PCDH15: variants seen among roughly 807,000 people sequenced by gnomAD.
PCDH15 encodes protocadherin related 15.
A neutral mutation model predicts 178.5 loss-of-function variants in PCDH15; 129 were observed. That is an observed-to-expected ratio of 0.72 (90% confidence interval 0.63 to 0.84). The LOEUF is 0.84. Ranked by LOEUF, PCDH15 falls within the 40% of genes least tolerant of loss-of-function variation. PCDH15 has a pLI of 0.00. For synonymous variants in PCDH15, 800 were observed against 732.0 expected (o/e 1.09, Z -1.50); for missense variants, 2,230 against 2,099.9 (o/e 1.06, Z -1.21).
chr10:54,183,048 C>T lies in PCDH15; in HGVS notation c.1590+396G>A, dbSNP rs190629593. Among the ~76,000 whole-genome samples the T allele has an allele frequency of 5.3e-4, 81 of 151,828 alleles. 1 individual carries two copies. In the East Asian group the frequency reaches 0.013, roughly 25 times the overall value. On this transcript the variant is annotated intron_variant, in intron 13 of 37. Transcript: ENST00000644397. ...CCAGGCTGGAGTGTGATGGCATGAT[C>T]TCAGCTCACCGCAACCTTGGCCTCC...
At chr10:54,901,813 G>T (rs1954643721) in intron 2 of PCDH15, among the ~76,000 whole-genome samples, 2 of 152,038 alleles carry the variant, frequency 1.3e-5, no homozygotes, top group African/African-American at 4.8e-5. Context: ...AATATTTGTA[G>T]TCATTTATTT....
intron 2 of PCDH15, among the ~76,000 whole-genome samples, chr10:55,372,915 TCAA>T (rs36123990): frequency 0.092 from 14,033 of 152,072 alleles, 710 homozygotes; most frequent in East Asian, 0.18. Context: ...CTAAAGGATA[TCAA>T]CAAGAAAAAA....
rs200007271 is a variant in PCDH15 at position 54,933,340 on chromosome 10, TA to T, written c.-79-35841del. Among the ~76,000 whole-genome samples the T allele has an allele frequency of 2.4e-4, 36 of 151,544 alleles. No homozygotes were observed. In the Middle Eastern group the frequency reaches 0.01, roughly 43 times the overall value. ...TCTGCTGATTGTGACAGTTTTTATGTAAAAAAAAATGTGTTTTATATTGTTT... is the reference window on the plus strand; with the variant it reads ...TCTGCTGATTGTGACAGTTTTTATGTAAAAAAAATGTGTTTTATATTGTTT... On this transcript the variant is annotated intron_variant, in intron 2 of 5. Transcript: ENST00000458638.
intron 25 of PCDH15, among the ~76,000 whole-genome samples, chr10:53,913,145 A>G (rs1222619124): frequency 6.6e-6 from 1 of 152,192 alleles, no homozygotes; most frequent in Non-Finnish European, 1.5e-5. Context: ...CCACACATCT[A>G]CAACCATCTT....
intron 14 of PCDH15, among the ~76,000 whole-genome samples, chr10:54,152,386 G>T (rs2044625983): frequency 6.6e-6 from 1 of 151,586 alleles, no homozygotes; most frequent in African/African-American, 2.4e-5. Flanking sequence ...ACTTATTAAG[G>T]AATATGTTTA....
chr10:54,761,580 G>A (rs752410648), intron 1 of PCDH15, among the ~76,000 whole-genome samples: 10 of 152,204 alleles, frequency 6.6e-5, no homozygotes, highest in South Asian at 2.1e-4. Context: ...CTACTCGGGA[G>A]GCTGAGACAG....
chr10:55,401,058 T>G (rs1838050559), intron 2 of PCDH15, among the ~76,000 whole-genome samples: 1 of 152,124 alleles, frequency 6.6e-6, no homozygotes, highest in South Asian at 2.1e-4. Flanking sequence ...TATTATAGAT[T>G]AAGTAGACAT....
intron 3 of PCDH15, among the ~76,000 whole-genome samples, chr10:54,880,181 A>G (rs1400704384): frequency 6.6e-6 from 1 of 152,112 alleles, no homozygotes; most frequent in Non-Finnish European, 1.5e-5. Context: ...TATTTCCCTG[A>G]ACTACGATTT....
chr10:53,933,187 A>G (rs2085237380), intron 25 of PCDH15, among the ~76,000 whole-genome samples: 1 of 151,552 alleles, frequency 6.6e-6, no homozygotes, highest in African/African-American at 2.4e-5. Flanking sequence ...TTTTATTATT[A>G]TTATACTTTA....
intron 9 of PCDH15, among the ~76,000 whole-genome samples, chr10:54,223,165 G>C (rs2053040204): frequency 6.6e-6 from 1 of 151,842 alleles, no homozygotes; most frequent in African/African-American, 2.4e-5. Flanking sequence ...TAGAGAATCA[G>C]CCAGGCATGG....
At chr10:54,806,252 G>A (rs909532049), upstream of PCDH15, among the ~76,000 whole-genome samples, 1 of 152,050 alleles carries the variant, frequency 6.6e-6, no homozygotes, top group Non-Finnish European at 1.5e-5. Flanking sequence ...TTATATGCTG[G>A]ATGTATTAGT....
chr10:55,369,511 C>T (rs1049364194), intron 2 of PCDH15, among the ~76,000 whole-genome samples: 1 of 152,002 alleles, frequency 6.6e-6, no homozygotes, highest in African/African-American at 2.4e-5. Context: ...AACAGATTAA[C>T]TAGTATTTTA....
chr10:54,099,712 A>T (rs989224232), intron 15 of PCDH15, among the ~76,000 whole-genome samples: 2 of 151,734 alleles, frequency 1.3e-5, no homozygotes, highest in African/African-American at 4.8e-5. Context: ...GATGCCCATT[A>T]TAAACAATAT....
intron 21 of PCDH15, among the ~76,000 whole-genome samples, chr10:53,968,917 G>A (rs1041371714): frequency 6.6e-6 from 1 of 152,142 alleles, no homozygotes; most frequent in South Asian, 2.1e-4. Context: ...GAGCAGAAAA[G>A]TTGAAATTCT....
chr10:53,985,959 C>G lies in PCDH15; in HGVS notation c.2868+9690G>C, dbSNP rs1376755241. On this transcript the variant is annotated intron_variant, in intron 21 of 37. Coordinates refer to ENST00000644397, the MANE Select transcript of PCDH15 (RefSeq NM_001384140.1). ...ACCAACTGTTCCACATAAATGACAT[C>G]ATTTCAACATCACAGCAACCCTATA... Among the ~76,000 whole-genome samples, 3 of 152,172 alleles carry G rather than the reference C, an allele frequency of 2.0e-5. No homozygotes were observed. The East Asian group carries it at 5.8e-4, about 29-fold the overall frequency.
chr10:54,341,755 C>T (rs1282619015), intron 6 of PCDH15, among the ~76,000 whole-genome samples: 1 of 152,122 alleles, frequency 6.6e-6, no homozygotes, highest in Non-Finnish European at 1.5e-5. Context: ...ACAATGAAGT[C>T]CAGGCTGAGG....
rs750059910 is a variant in PCDH15, at chr10:53,866,729, G to A, written c.3630C>T (p.Phe1210=). ...TGAAGTAGGATCTCCTCATATTATG[G>A]AAGAGCATAGCAGTTTTGATAAGCC... ...YTGLIKTAML[F]HNMRRSYFKF... The change falls in exon 27 of 38, where the codon TTC becomes TTT. Residue 1210 remains phenylalanine (F), a synonymous_variant. Coordinates refer to ENST00000644397, the MANE Select transcript of PCDH15 (RefSeq NM_001384140.1). 9 of 1,613,536 alleles carry A rather than the reference G, an allele frequency of 5.6e-6. No individual in the cohort carries two copies. Among genetic ancestry groups the A allele is most frequent in the Non-Finnish European group, 7.6e-6 (9 of 1,179,680 alleles).
intron 1 of PCDH15, among the ~76,000 whole-genome samples, chr10:55,277,270 C>A (rs370065597): frequency 6.6e-6 from 1 of 151,894 alleles, no homozygotes; most frequent in Non-Finnish European, 1.5e-5. Flanking sequence ...TCTTTGCAAC[C>A]CAGCCAGTCT....
At position 53,913,091 on chromosome 10, in the gene PCDH15, G is replaced by C. The variant is rs185670170; in HGVS notation, c.3374-9721C>G. Among the ~76,000 whole-genome samples the C allele has an allele frequency of 2.0e-5, 3 of 152,254 alleles. No individual in the cohort carries two copies. In the East Asian group the frequency reaches 5.8e-4, roughly 29 times the overall value. On this transcript the variant is annotated intron_variant, in intron 25 of 37. Coordinates refer to ENST00000644397, the MANE Select transcript of PCDH15 (RefSeq NM_001384140.1). ...ACAGCATGGTACTGGTACCAAAACA[G>C]AGATATAGACCAATGGAACAGAGCA...
Sources: gnomAD v4.1 joint callset for allele counts (sites outside exome capture counted in the v4.1 genomes callset) on GRCh38, gnomAD v4.1.1 for gene constraint, MANE v1.5 for transcripts, NCBI Gene and HGNC (gene_info 2026-07-23, HGNC 2026-07-21) for gene names.